Variants in CPNE7 observed in about 807,000 individuals in gnomAD.
The protein encoded by CPNE7 is copine 7, also known as copine-7.
Under a neutral mutation model 66.5 loss-of-function variants are expected in CPNE7, and 78 were observed. The ratio of observed to expected loss-of-function variants is 1.17; its 90% CI spans 0.98 to 1.42. The LOEUF (loss-of-function observed/expected upper bound fraction) is 1.42, where lower values mean the gene tolerates loss of function less well. Among genes scored for constraint, CPNE7 ranks in the 40% most tolerant of loss-of-function variants. The pLI is 0.00. For synonymous variants in CPNE7, 468 were observed against 336.7 expected (o/e 1.39, Z -4.27); for missense variants, 1,012 against 776.6 (o/e 1.30, Z -3.60).
At chr16:89,585,633 G>A in intron 6 of CPNE7, 54 bp from the exon 7 acceptor site, 6 of 1,550,476 alleles carry the variant, frequency 3.9e-6, no homozygotes, top group Non-Finnish European at 5.3e-6. Flanking sequence ...GGGCTCGGGT[G>A]GGAGGGTCCT....
At position 89,584,130 on chromosome 16, in the gene CPNE7, C is replaced by G; in HGVS notation, c.507+28C>G. On this transcript the variant is annotated intron_variant, in intron 4 of 14. Transcript: ENST00000319518. The surrounding 1 kb of genome is among the most constrained non-coding windows in gnomAD (Gnocchi z 6.0). The stretch of plus-strand genomic sequence containing the variant: ...GAGTGCAGGTGCCGGGCACGCCTGG[C>G]TCAGGCTGAGGTCCGGGAACCGGTT... 1 of 1,597,460 alleles carries G rather than the reference C, an allele frequency of 6.3e-7. No individual in the cohort carries two copies. Among genetic ancestry groups the G allele is most frequent in the East Asian group, 2.2e-5 (1 of 44,710 alleles).
chr16:89,580,270 CAG>C (rs1257586017), intron 2 of CPNE7, among the ~76,000 whole-genome samples: 1 of 126,462 alleles, frequency 7.9e-6, no homozygotes, highest in Non-Finnish European at 1.7e-5. Flanking sequence ...CCTGCAGACA[CAG>C]AACATCTCAC....
chr16:89,595,967 G>T, intron 14 of CPNE7: 1 of 510,206 alleles, frequency 2.0e-6, no homozygotes, highest in South Asian at 1.5e-5. Context: ...CACACGTGAG[G>T]TTCTACCCGG....
At chr16:89,595,905 G>A (rs549547130) in intron 14 of CPNE7, 22 of 570,542 alleles carry the variant, frequency 3.9e-5, no homozygotes, top group East Asian at 7.9e-5. Context: ...GCGACCCGGC[G>A]AGACACGCAC....
intron 9 of CPNE7, among the ~76,000 whole-genome samples, chr16:89,588,083 GATACACGGCCCC>G (rs1597711033): frequency 6.0e-5 from 1 of 16,580 alleles, no homozygotes; most frequent in East Asian, 1.1e-3. Flanking sequence ...GTTACCCACA[GATACACGGCCCC>G]CGTGTCACCC....
At chr16:89,580,929 C>G (rs1381260390) in intron 2 of CPNE7, among the ~76,000 whole-genome samples, 1 of 144,702 alleles carries the variant, frequency 6.9e-6, no homozygotes, top group East Asian at 2.2e-4. Flanking sequence ...GAACATCTCA[C>G]CCATCACACG....
At chr16:89,581,857 A>G (rs367768660) in intron 2 of CPNE7, among the ~76,000 whole-genome samples, 195 of 152,278 alleles carry the variant, frequency 1.3e-3, no homozygotes, top group African/African-American at 4.4e-3. Flanking sequence ...TGTTGCCCCA[A>G]CTGGTCTTGA....
rs373930606 is a variant in CPNE7 at position 89,589,273 on chromosome 16, C to T, written c.1061+465C>T. Among the ~76,000 whole-genome samples the T allele has an allele frequency of 2.6e-5, 4 of 152,256 alleles. No homozygotes were observed. The South Asian group carries it at 8.3e-4, about 32-fold the overall frequency. On this transcript the variant is annotated intron_variant, in intron 10 of 14. Transcript: ENST00000319518. ...CACCTTTGTACTCAAGCCTGGGTGA[C>T]AGAGCAAGACTCCGTCTCAAAAAAA...
chr16:89,595,710 C>A lies in CPNE7; in HGVS notation c.1539+107C>A, dbSNP rs1413244197. On this transcript the variant is annotated intron_variant, in intron 14 of 14. Coordinates refer to ENST00000319518, the MANE Select transcript of CPNE7 (RefSeq NM_153636.3). ...CTCACGCCAGTGGATGTGGCAGGTC[C>A]CTTCTTGTGTCTGGGGGATCCTGGG... The A allele has an allele frequency of 2.3e-5, 23 of 1,006,668 alleles. No individual in the cohort carries two copies. The East Asian group carries it at 5.3e-4, about 23-fold the overall frequency. 62.4% of individuals were successfully genotyped at this position (1,006,668 alleles called of 1,614,324 possible).
intron 2 of CPNE7, among the ~76,000 whole-genome samples, chr16:89,581,045 AACCCATCACATGGAACATCCCGTC>A (rs1567953551): frequency 1.6e-4 from 14 of 85,684 alleles, no homozygotes; most frequent in African/African-American, 6.6e-4. Context: ...AACATCCCGT[AACCCATCACATGGAACATCCCGTC>A]ACCTGTCACA....
At position 89,592,053 on chromosome 16, in the gene CPNE7, G is replaced by A. The variant is rs150305534; in HGVS notation, c.1302+793G>A. 8.8e-3 allele frequency among the ~76,000 whole-genome samples: 1,308 copies of A among 147,992 alleles called. 29 individuals are homozygous for A. The highest frequency in any genetic ancestry group is 0.034 in the Admixed American group (502 of 14,732). ...GACGGAGTCTCGCTCTGTCACCCAG[G>A]CTGGAAGTGTAGTGGCGCAATCTCC... On this transcript the variant is annotated intron_variant, in intron 13 of 14. Transcript: ENST00000319518.
At chr16:89,577,066 T>A (rs2058871410) in intron 1 of CPNE7, among the ~76,000 whole-genome samples, 1 of 152,118 alleles carries the variant, frequency 6.6e-6, no homozygotes, top group Non-Finnish European at 1.5e-5. Flanking sequence ...CTGAAATGAG[T>A]AGCCTACTGG....
chr16:89,584,699 A>ATC lies in CPNE7; in HGVS notation c.508-75_508-74insTC. 8.8e-7 allele frequency: 1 copy of ATC among 1,130,276 alleles called. No homozygotes were observed. 70.0% of individuals were successfully genotyped at this position (1,130,276 alleles called of 1,614,324 possible). ...CTGGTGGCATGAAGTGAGCCCTGGG[A>ATC]AACGACAAAGCCAGCTCCCATCCAA... is the stretch of plus-strand genomic sequence containing the variant. On this transcript the variant is annotated intron_variant, in intron 4 of 14. Coordinates refer to ENST00000319518, the MANE Select transcript of CPNE7 (RefSeq NM_153636.3). This position sits in a 1 kb window ranked among gnomAD's most constrained non-coding sequence, Gnocchi z 6.0.
At position 89,595,570 on chromosome 16, in the gene CPNE7, C is replaced by T. The variant is rs370602038; in HGVS notation, c.1506C>T (p.Ile502=). The T allele has an allele frequency of 2.4e-5, 38 of 1,610,586 alleles. No individual in the cohort carries two copies. Among genetic ancestry groups the T allele is most frequent in the African/African-American group, 1.6e-4 (12 of 75,022 alleles). ...GGGGTGAGCCCGCGCTCCGGGACAT[C>T]GTACAGTTCGTGCCCTTCCGGGAGC... is the stretch of plus-strand genomic sequence containing the variant. The part of the protein sequence containing the change: ...SPRGEPALRD[I]VQFVPFRELK... Residue 502 remains isoleucine, a synonymous_variant, in exon 14 of 15, where the codon ATC becomes ATT. Coordinates refer to ENST00000319518, the MANE Select transcript of CPNE7 (RefSeq NM_153636.3).
chr16:89,586,620 A>C, intron 7 of CPNE7, 50 bp from the exon 8 acceptor site: 2 of 1,456,092 alleles, frequency 1.4e-6, no homozygotes, highest in Non-Finnish European at 1.9e-6. Context: ...TCTCCCTGGT[A>C]GGTGTTCAGA....
chr16:89,590,973 G>A (rs368774109), intron 11 of CPNE7, 34 bp from the exon 12 acceptor site: 9 of 1,612,756 alleles, frequency 5.6e-6, no homozygotes, highest in Non-Finnish European at 7.6e-6. Context: ...GTGTTGCAAC[G>A]AGCAGCTGAC....
chr16:89,584,078 C>G lies in CPNE7; in HGVS notation c.483C>G (p.Phe161Leu). Reference sequence around the variant, plus strand: ...ACAACGGCTACGTGGAGCTCTCCTTCCGGGCCAGGAAGCTGGACGACAAGG... The same window carrying G: ...ACAACGGCTACGTGGAGCTCTCCTTGCGGGCCAGGAAGCTGGACGACAAGG... ...SGNNGYVELS[F>L]RARKLDDKDL... The change falls in exon 4 of 15, where the codon TTC becomes TTG. Residue 161 changes from phenylalanine to leucine, a missense_variant. Coordinates refer to ENST00000319518, the MANE Select transcript of CPNE7 (RefSeq NM_153636.3). The surrounding 1 kb of genome is among the most constrained non-coding windows in gnomAD (Gnocchi z 6.0). The G allele has an allele frequency of 6.2e-7, 1 of 1,611,870 alleles. No individual in the cohort carries two copies. Among genetic ancestry groups the G allele is most frequent in the Non-Finnish European group, 8.5e-7 (1 of 1,179,460 alleles).
intron 13 of CPNE7, among the ~76,000 whole-genome samples, chr16:89,593,501 C>T (rs897758166): frequency 7.9e-5 from 12 of 151,646 alleles, no homozygotes; most frequent in African/African-American, 1.2e-4. Context: ...TACAGGCGCC[C>T]GCCACCACGC....
chr16:89,595,435 T>G lies in CPNE7; in HGVS notation c.1371T>G (p.Ile457Met), dbSNP rs1175142338. The change falls in exon 14 of 15, where the codon ATT becomes ATG. Residue 457 changes from isoleucine to methionine, a missense_variant. Ile to Met is a conservative substitution (Grantham distance 10). Transcript: ENST00000319518. The part of the protein sequence containing the change: ...VTDMADTREA[I>M]VRASRLPMSI... ...ACATGGCCGACACACGGGAGGCCAT[T>G]GTGCGTGCCTCACGCCTGCCCATGT... 1.2e-6 allele frequency: 2 copies of G among 1,608,982 alleles called. No individual in the cohort carries two copies. The highest frequency in any genetic ancestry group is 1.7e-6 in the Non-Finnish European group (2 of 1,177,164).
Sources: gnomAD v4.1 joint callset for allele counts (sites outside exome capture counted in the v4.1 genomes callset) on GRCh38, gnomAD v4.1.1 for gene constraint, Gnocchi (gnomAD v3.1) non-coding constraint, MANE v1.5 for transcripts, NCBI Gene and HGNC (gene_info 2026-07-23, HGNC 2026-07-21) for gene names.